Variants in CADM2 observed in about 807,000 individuals in gnomAD.
The protein encoded by CADM2 is immunoglobulin superfamily member 4D.
In CADM2, 12 loss-of-function variants were observed where a neutral mutation model predicts 49.8. That is an observed-to-expected ratio of 0.24 (90% CI 0.15 to 0.39). The LOEUF is 0.39. CADM2 is among the 10% of genes least tolerant of loss of function. The pLI, the probability that CADM2 is intolerant of heterozygous loss-of-function variation, is 1.00. For missense variants in CADM2, 378 were observed against 492.3 expected (o/e 0.77, Z 2.20); for synonymous variants, 214 against 175.4 (o/e 1.22, Z -1.74).
intron 1 of CADM2, among the ~76,000 whole-genome samples, chr3:85,572,747 C>A (rs1559919031): frequency 1.3e-5 from 2 of 152,136 alleles, no homozygotes; most frequent in South Asian, 2.1e-4. Flanking sequence ...GAGAAAGAGT[C>A]CAGCTTCAGT....
At chr3:85,331,488 G>A (rs1419997933) in intron 1 of CADM2, among the ~76,000 whole-genome samples, 1 of 151,358 alleles carries the variant, frequency 6.6e-6, no homozygotes, top group African/African-American at 2.4e-5. Flanking sequence ...GACAACACAT[G>A]AAAATCTAAA....
At chr3:85,025,882 G>T (rs2034704076) in intron 1 of CADM2, among the ~76,000 whole-genome samples, 1 of 151,814 alleles carries the variant, frequency 6.6e-6, no homozygotes. Flanking sequence ...TTGCCCGGTA[G>T]CTCTTCTTTT....
chr3:85,499,104 G>A (rs1030066628), intron 1 of CADM2, among the ~76,000 whole-genome samples: 6 of 152,020 alleles, frequency 3.9e-5, no homozygotes. Context: ...TAATTTCAAA[G>A]TACCTGCAAT....
intron 3 of CADM2, among the ~76,000 whole-genome samples, chr3:85,841,135 T>C (rs1019775438): frequency 2.6e-5 from 4 of 151,832 alleles, no homozygotes; most frequent in Non-Finnish European, 5.9e-5. Flanking sequence ...TTCAATATTA[T>C]ATTATAAACT....
intron 1 of CADM2, among the ~76,000 whole-genome samples, chr3:85,622,234 A>G (rs2063998562): frequency 6.6e-6 from 1 of 152,148 alleles, no homozygotes; most frequent in South Asian, 2.1e-4. Flanking sequence ...CTATAGCTTA[A>G]TATGTCAGCA....
At chr3:85,502,385 T>A (rs1156644681) in intron 1 of CADM2, among the ~76,000 whole-genome samples, 1 of 151,992 alleles carries the variant, frequency 6.6e-6, no homozygotes, top group Non-Finnish European at 1.5e-5. Flanking sequence ...CGTTGGCTAC[T>A]CTTAAGGAGG....
At chr3:85,209,066 G>C (rs139763221) in intron 1 of CADM2, among the ~76,000 whole-genome samples, 2 of 152,262 alleles carry the variant, frequency 1.3e-5, no homozygotes, top group East Asian at 3.9e-4. Context: ...TGGAAACTGT[G>C]TGTACAGAAC....
intron 1 of CADM2, among the ~76,000 whole-genome samples, chr3:85,115,126 T>G (rs1236681740): frequency 6.6e-6 from 1 of 152,204 alleles, no homozygotes; most frequent in Non-Finnish European, 1.5e-5. Flanking sequence ...TCTTATAAAT[T>G]TCTACTCTTT....
intron 1 of CADM2, among the ~76,000 whole-genome samples, chr3:85,469,126 G>T (rs1280809803): frequency 6.6e-6 from 1 of 152,174 alleles, no homozygotes; most frequent in African/African-American, 2.4e-5. Flanking sequence ...GGGCTTATCA[G>T]CAAGGGCACA....
intron 5 of CADM2, among the ~76,000 whole-genome samples, chr3:85,902,117 T>C (rs190518717): frequency 4.9e-4 from 74 of 152,226 alleles, no homozygotes; most frequent in African/African-American, 1.6e-3. Flanking sequence ...TGTGTAGAAA[T>C]ATGCTTTCAA....
intron 1 of CADM2, among the ~76,000 whole-genome samples, chr3:85,264,529 T>A (rs2043080118): frequency 6.6e-6 from 1 of 152,098 alleles, no homozygotes; most frequent in African/African-American, 2.4e-5. Flanking sequence ...GCACTGTTTT[T>A]GCTTGACTTC....
chr3:85,919,521 T>G (rs985536226), intron 6 of CADM2, among the ~76,000 whole-genome samples: 1 of 151,910 alleles, frequency 6.6e-6, no homozygotes, highest in Admixed American at 6.6e-5. Flanking sequence ...GAAAAACGTT[T>G]GGGTCCAATT....
chr3:85,713,042 T>C (rs1302241103), intron 1 of CADM2, among the ~76,000 whole-genome samples: 1 of 152,200 alleles, frequency 6.6e-6, no homozygotes, highest in East Asian at 1.9e-4. Context: ...TGTCCAACAT[T>C]TGTTATTATG....
At chr3:85,667,427 C>G (rs2065601249) in intron 1 of CADM2, among the ~76,000 whole-genome samples, 1 of 152,026 alleles carries the variant, frequency 6.6e-6, no homozygotes, top group Admixed American at 6.6e-5. Flanking sequence ...TACTTATAAT[C>G]CATTCAGTCA....
intron 2 of CADM2, among the ~76,000 whole-genome samples, chr3:85,770,068 A>T (rs1368698091): frequency 6.6e-6 from 1 of 152,120 alleles, no homozygotes; most frequent in Non-Finnish European, 1.5e-5. Flanking sequence ...GGAAACAGAA[A>T]ACCTGATTCC....
intron 1 of CADM2, among the ~76,000 whole-genome samples, chr3:84,974,842 GT>G (rs1559597790): frequency 1.3e-5 from 2 of 151,662 alleles, no homozygotes; most frequent in African/African-American, 4.8e-5. Flanking sequence ...TTTTTATTAT[GT>G]TTTTTAAAAC....
At chr3:85,987,725 AATT>A (rs1406855577) in intron 8 of CADM2, among the ~76,000 whole-genome samples, 1 of 136,912 alleles carries the variant, frequency 7.3e-6, no homozygotes, top group African/African-American at 3.0e-5. Context: ...AATTAAATAT[AATT>A]ATTATAATTT....
At chr3:85,543,603 C>T (rs900485549) in intron 1 of CADM2, among the ~76,000 whole-genome samples, 2 of 152,100 alleles carry the variant, frequency 1.3e-5, no homozygotes, top group Non-Finnish European at 2.9e-5. Flanking sequence ...AACTCTTTAT[C>T]CATTTTGTGC....
intron 8 of CADM2, among the ~76,000 whole-genome samples, chr3:86,037,153 T>G (rs545842422): frequency 6.6e-6 from 1 of 152,348 alleles, no homozygotes; most frequent in East Asian, 1.9e-4. Flanking sequence ...CTTTTGCATT[T>G]TTTTGTATAA....
Sources: allele counts gnomAD v4.1 joint callset (sites outside exome capture counted in the v4.1 genomes callset), GRCh38; gene constraint gnomAD v4.1.1; transcripts MANE v1.5; gene names NCBI Gene and HGNC (gene_info 2026-07-23, HGNC 2026-07-21).